Variants in NDUFA10 observed in about 807,000 individuals in gnomAD.
The protein encoded by NDUFA10 is NADH dehydrogenase [ubiquinone] 1 alpha subcomplex subunit 10, mitochondrial.
NDUFA10 carries 40 observed loss-of-function variants against 47.8 expected under a neutral mutation model. The observed-to-expected ratio is 0.84, with a 90% confidence interval of 0.65 to 1.09. The LOEUF (loss-of-function observed/expected upper bound fraction) is 1.09, where lower values mean the gene tolerates loss of function less well. NDUFA10 is among the 50% of genes least tolerant of loss of function. The pLI, the probability that NDUFA10 is intolerant of heterozygous loss-of-function variation, is 0.00. For synonymous variants in NDUFA10, 183 were observed against 172.2 expected, an observed-to-expected ratio of 1.06 and a Z score of -0.49; for missense variants, 413 against 451.1, an observed-to-expected ratio of 0.92 and a Z score of 0.76.
At chr2:239,946,625 T>A (rs1170741060) in intron 4 of NDUFA10, among the ~76,000 whole-genome samples, 1 of 152,240 alleles carries the variant, frequency 6.6e-6, no homozygotes, top group Non-Finnish European at 1.5e-5. Flanking sequence ...AATCCCTTTG[T>A]TGTCCACATT....
chr2:239,991,526 CAG>C (rs1696247967), intron 8 of NDUFA10, among the ~76,000 whole-genome samples: 2 of 152,122 alleles, frequency 1.3e-5, no homozygotes, highest in African/African-American at 4.8e-5. Flanking sequence ...GCAAGCAAAA[CAG>C]AAAGTTTGTG....
intron 4 of NDUFA10, among the ~76,000 whole-genome samples, chr2:239,931,831 C>T (rs1310762171): frequency 2.2e-5 from 2 of 90,182 alleles, no homozygotes; most frequent in African/African-American, 4.6e-5. Flanking sequence ...TGCACCTCTG[C>T]TTTTTTTTTT....
intron 9 of NDUFA10, among the ~76,000 whole-genome samples, chr2:239,964,075 C>T (rs1013749913): frequency 6.6e-6 from 1 of 152,282 alleles, no homozygotes; most frequent in Admixed American, 6.5e-5. Flanking sequence ...TGCCTGCACG[C>T]CCATGCATGT....
intron 9 of NDUFA10, among the ~76,000 whole-genome samples, chr2:239,962,210 TACACACACACACACAC>T (rs59356951): frequency 6.7e-6 from 1 of 149,544 alleles, no homozygotes. Flanking sequence ...TCAATTTGTG[TACACACACACACACAC>T]ACACACACAC....
chr2:239,900,678 G>A (rs1337898973), intron 4 of NDUFA10, among the ~76,000 whole-genome samples: 1 of 152,138 alleles, frequency 6.6e-6, no homozygotes, highest in Non-Finnish European at 1.5e-5. Flanking sequence ...AACCTTGTCA[G>A]ATCCCCTGGC....
intron 4 of NDUFA10, among the ~76,000 whole-genome samples, chr2:239,941,450 A>T (rs1189601608): frequency 6.6e-6 from 1 of 152,044 alleles, no homozygotes; most frequent in East Asian, 1.9e-4. Flanking sequence ...AAGTTCAAGG[A>T]CGTGGTGGCT....
In NDUFA10 at chr2:239,960,511, G is replaced by A. The variant is rs971349516; in HGVS notation, c.*607C>T. On this transcript the variant is annotated 3_prime_UTR_variant, in exon 10 of 10. Coordinates refer to ENST00000252711, the MANE Select transcript of NDUFA10 (RefSeq NM_004544.4). The stretch of plus-strand genomic sequence containing the variant: ...CGTCTCTCTTAAAACATATTGTTCT[G>A]TAAATCTGTGGTAATTTTCTCCTTT... 59 of 999,584 alleles carry A rather than the reference G, an allele frequency of 5.9e-5. No homozygotes were observed. The highest frequency in any genetic ancestry group is 2.1e-4 in the Admixed American group (4 of 19,250). 61.9% of individuals were successfully genotyped at this position (999,584 alleles called of 1,614,324 possible).
chr2:240,007,243 G>A lies in NDUFA10; in HGVS notation c.804+73C>T, dbSNP rs868224909. ...TAAGACCAGTGGGAATCTAACTGACGATCTGATTTGCAAGAACCTTACACA... is the reference window on the plus strand; with the variant it reads ...TAAGACCAGTGGGAATCTAACTGACAATCTGATTTGCAAGAACCTTACACA... On this transcript the variant is annotated intron_variant, in intron 7 of 9. Transcript: ENST00000252711. 565 of 1,146,760 alleles carry A rather than the reference G, an allele frequency of 4.9e-4. 5 individuals are homozygous for A. The Middle Eastern group carries it at 7.3e-3, about 15-fold the overall frequency. 71.0% of individuals were successfully genotyped at this position (1,146,760 alleles called of 1,614,324 possible).
At chr2:240,020,129 T>C (rs1022506700) in intron 3 of NDUFA10, among the ~76,000 whole-genome samples, 8 of 152,162 alleles carry the variant, frequency 5.3e-5, no homozygotes, top group Non-Finnish European at 1.0e-4. Flanking sequence ...TGAAGGAGCA[T>C]AGGCAGCGGC....
rs567497423 is a variant in NDUFA10, at chr2:239,915,315, TAC to T, written c.295-20003_295-20002del. On this transcript the variant is annotated intron_variant, in intron 4 of 5. Transcript: ENST00000419408. ...ACAGACAGAGAGACAGAGATAAACATACACACACACACAGAGAACGAAGACAT... is the reference window on the plus strand; with the variant it reads ...ACAGACAGAGAGACAGAGATAAACATACACACACACAGAGAACGAAGACAT... 6.0e-4 allele frequency among the ~76,000 whole-genome samples: 63 copies of T among 105,784 alleles called. 2 individuals are homozygous for T. Among genetic ancestry groups the T allele is most frequent in the African/African-American group, 2.9e-3 (57 of 19,532 alleles). The allele number at this position is 105,784 out of a possible 152,430, so 69.4% of individuals were successfully genotyped here.
At chr2:239,967,459 C>T (rs1420570115) in intron 9 of NDUFA10, among the ~76,000 whole-genome samples, 3 of 152,154 alleles carry the variant, frequency 2.0e-5, no homozygotes, top group Admixed American at 6.5e-5. Context: ...CTGTGTGGCC[C>T]GCAGAGCTGG....
rs1159948238 is a variant in NDUFA10 at position 239,928,999 on chromosome 2, C to G, written c.295-33685G>C. Among the ~76,000 whole-genome samples, 1 of 152,248 alleles carries G rather than the reference C, an allele frequency of 6.6e-6. No individual in the cohort carries two copies. Among genetic ancestry groups the G allele is most frequent in the African/African-American group, 2.4e-5 (1 of 41,466 alleles). On this transcript the variant is annotated intron_variant, in intron 4 of 5. Coordinates refer to the NDUFA10 transcript ENST00000419408. This position sits in a 1 kb window ranked among gnomAD's most constrained non-coding sequence, Gnocchi z 4.3. ...CACCTACTCCTGTCTCTGTCCAGTG[C>G]TCCCCACTGGCGCCCGGTGAGCTGA...
chr2:240,000,605 G>T (rs539404793), intron 8 of NDUFA10, among the ~76,000 whole-genome samples: 1 of 151,942 alleles, frequency 6.6e-6, no homozygotes, highest in Non-Finnish European at 1.5e-5. Flanking sequence ...CACAGTGTAC[G>T]GTGATGTCCT....
chr2:239,931,700 T>C (rs146250885), intron 4 of NDUFA10, among the ~76,000 whole-genome samples: 1 of 152,328 alleles, frequency 6.6e-6, no homozygotes, highest in East Asian at 1.9e-4. Flanking sequence ...CCACAGGCCA[T>C]AGCGGCCCCC....
At chr2:239,973,565 G>GTA (rs1559338476) in intron 9 of NDUFA10, 12 of 469,134 alleles carry the variant, frequency 2.6e-5, no homozygotes, top group Non-Finnish European at 4.9e-5. Flanking sequence ...TCAGCTTCAA[G>GTA]GAGGGAACGA....
intron 5 of NDUFA10, chr2:240,012,843 G>A (rs1395236086): frequency 6.6e-6 from 1 of 152,220 alleles, no homozygotes; most frequent in Admixed American, 6.5e-5. Context: ...TAAGGACTTG[G>A]TGTCTGGGCA....
chr2:239,902,037 T>C (rs1693561360), intron 4 of NDUFA10, among the ~76,000 whole-genome samples: 1 of 152,164 alleles, frequency 6.6e-6, no homozygotes, highest in Non-Finnish European at 1.5e-5. Context: ...CTGGTGAAGA[T>C]GTCGTGACCG....
intron 6 of NDUFA10, among the ~76,000 whole-genome samples, chr2:240,008,475 A>C (rs1260834347): frequency 6.6e-6 from 1 of 152,262 alleles, no homozygotes; most frequent in African/African-American, 2.4e-5. Flanking sequence ...TAATACGAAG[A>C]GAAAGGCACA....
chr2:239,926,559 T>C (rs75986860), intron 4 of NDUFA10, among the ~76,000 whole-genome samples: 3,163 of 152,322 alleles, frequency 0.021, 40 homozygotes, highest in Middle Eastern at 0.037. Context: ...TTCTGGATTA[T>C]ATTTTTAGTA....
Sources: allele counts gnomAD v4.1 joint callset (sites outside exome capture counted in the v4.1 genomes callset), GRCh38; gene constraint gnomAD v4.1.1; non-coding constraint Gnocchi (gnomAD v3.1); transcripts MANE v1.5; gene names NCBI Gene and HGNC (gene_info 2026-07-23, HGNC 2026-07-21).